Variants in MOSPD1 observed in about 807,000 individuals in gnomAD.
MOSPD1 encodes the protein motile sperm domain containing 1.
MOSPD1 carries 5 observed loss-of-function variants against 16.7 expected under a neutral mutation model. The observed-to-expected ratio is 0.30, with a 90% CI of 0.16 to 0.63. MOSPD1 has a LOEUF of 0.63. Ranked by LOEUF, MOSPD1 falls within the 30% of genes least tolerant of loss-of-function variation. The pLI is 0.82. For missense variants in MOSPD1, 104 were observed against 153.6 expected (o/e 0.68, Z 1.71); for synonymous variants, 67 against 59.2 (o/e 1.13, Z -0.61).
chrX:134,891,893 A>C lies in MOSPD1; in HGVS notation c.449-253T>G, dbSNP rs757832709. 5.4e-5 allele frequency among the ~76,000 whole-genome samples: 6 copies of C among 111,897 alleles called. No homozygotes were observed. The East Asian group carries it at 1.7e-3, about 31-fold the overall frequency. On this transcript the variant is annotated intron_variant, in intron 4 of 5. Transcript: ENST00000370783. ...AGTGAGTTCTTACTGAAAGGTGGTC[A>C]CCAACTCCCCCGACCATCCCACCCT...
At chrX:134,893,084 TA>T (rs1384674521) in intron 4 of MOSPD1, among the ~76,000 whole-genome samples, 2 of 111,661 alleles carry the variant, frequency 1.8e-5, no homozygotes, top group Admixed American at 1.9e-4. Context: ...TGTGTTTCAT[TA>T]ATGAAATAAT....
At chrX:134,909,279 GAAA>G in intron 1 of MOSPD1, among the ~76,000 whole-genome samples, 1 of 91,120 alleles carries the variant, frequency 1.1e-5, no homozygotes, top group South Asian at 4.8e-4. Context: ...AAAGAAAAAA[GAAA>G]GAAAGAGGAG....
chrX:134,914,999 C>A (rs951783507), intron 1 of MOSPD1, among the ~76,000 whole-genome samples, 183 bp downstream of exon 1: 8 of 113,047 alleles, frequency 7.1e-5, no homozygotes, highest in African/African-American at 2.6e-4. Flanking sequence ...AGGAAAGGAT[C>A]CCCTCCGTCT....
At chrX:134,893,673 A>G (rs1308602842) in intron 4 of MOSPD1, among the ~76,000 whole-genome samples, 1 of 111,471 alleles carries the variant, frequency 9.0e-6, no homozygotes, top group Admixed American at 9.6e-5. Context: ...AAATAAGGCC[A>G]TATTATACAT....
intron 1 of MOSPD1, among the ~76,000 whole-genome samples, chrX:134,903,000 CT>C (rs754568829): frequency 1.9e-3 from 186 of 98,556 alleles, no homozygotes; most frequent in African/African-American, 4.2e-3. Context: ...GATGTGTTCT[CT>C]TTTTTTTTTT....
intron 5 of MOSPD1, among the ~76,000 whole-genome samples, chrX:134,889,583 C>CAGA (rs1212341442): frequency 9.0e-6 from 1 of 111,481 alleles, no homozygotes; most frequent in Non-Finnish European, 1.9e-5. Flanking sequence ...CACAAAGAGA[C>CAGA]AGAAGTATGG....
chrX:134,891,105 G>A (rs913393842), intron 5 of MOSPD1, among the ~76,000 whole-genome samples: 5 of 111,032 alleles, frequency 4.5e-5, no homozygotes, highest in South Asian at 3.8e-4. Flanking sequence ...AAAGAGAAAC[G>A]TTCACAATAT....
chrX:134,898,917 T>C (rs958143209), intron 3 of MOSPD1, 173 bp downstream of exon 3: 6 of 420,167 alleles, frequency 1.4e-5, no homozygotes, highest in East Asian at 7.7e-5. Context: ...TATTATTAAG[T>C]ATTTGGCCGA....
intron 4 of MOSPD1, among the ~76,000 whole-genome samples, chrX:134,891,869 G>T (rs978926351): frequency 9.0e-6 from 1 of 111,674 alleles, no homozygotes; most frequent in African/African-American, 3.3e-5. Context: ...TTGTGAGGTA[G>T]TGAGTTCTTA....
intron 1 of MOSPD1, among the ~76,000 whole-genome samples, chrX:134,913,724 T>C (rs1348746950): frequency 8.9e-6 from 1 of 112,136 alleles, no homozygotes; most frequent in Non-Finnish European, 1.9e-5. Context: ...TTAATACATG[T>C]ATGGAGAATC....
At chrX:134,912,116 T>C (rs1261737372) in intron 1 of MOSPD1, among the ~76,000 whole-genome samples, 3 of 111,503 alleles carry the variant, frequency 2.7e-5, no homozygotes, top group Non-Finnish European at 3.8e-5. Flanking sequence ...AATGGTGCCA[T>C]CTTGGCTCAC....
intron 4 of MOSPD1, among the ~76,000 whole-genome samples, chrX:134,892,112 A>G (rs2082865579): frequency 9.0e-6 from 1 of 111,719 alleles, no homozygotes; most frequent in African/African-American, 3.3e-5. Context: ...TGTATATTCA[A>G]TTTGAGCCTG....
chrX:134,902,424 T>TAAAA (rs1556359943), intron 1 of MOSPD1, among the ~76,000 whole-genome samples: 22 of 109,416 alleles, frequency 2.0e-4, no homozygotes, highest in African/African-American at 6.6e-4. Flanking sequence ...AATAAATAAA[T>TAAAA]AAAACAAAAA....
intron 1 of MOSPD1, among the ~76,000 whole-genome samples, chrX:134,908,710 T>A (rs2082955483): frequency 8.9e-6 from 1 of 112,053 alleles, no homozygotes; most frequent in Non-Finnish European, 1.9e-5. Flanking sequence ...CAAACTACTC[T>A]GACACAAAAA....
At chrX:134,910,949 T>G (rs1384865998) in intron 1 of MOSPD1, among the ~76,000 whole-genome samples, 2 of 112,439 alleles carry the variant, frequency 1.8e-5, no homozygotes, top group East Asian at 5.6e-4. Context: ...CCATCTGTTT[T>G]AACAAGTCTT....
Position 134,887,647 on chromosome X carries a change from TG to T in MOSPD1, c.*1513del, listed in dbSNP as rs752103806. 8.8e-6 allele frequency: 1 copy of T among 113,316 alleles called. No individual in the cohort carries two copies. Among genetic ancestry groups the T allele is most frequent in the Admixed American group, 9.3e-5 (1 of 10,716 alleles). The allele number at this position is 113,316 out of a possible 1,213,427, so 9.3% of individuals were successfully genotyped here. ...AATGTGAAGCTCAGGTCTCCATTTC[TG>T]TTTATTTTTTAAAGTAATTTCTGTT... On this transcript the variant is annotated 3_prime_UTR_variant, in exon 6 of 6. Coordinates refer to ENST00000370783, the MANE Select transcript of MOSPD1 (RefSeq NM_019556.3).
At chrX:134,897,528 A>G (rs1369887411) in intron 3 of MOSPD1, among the ~76,000 whole-genome samples, 1 of 100,228 alleles carries the variant, frequency 1.0e-5, no homozygotes, top group Non-Finnish European at 2.0e-5. Flanking sequence ...ATAGCAAGAG[A>G]GCAAGACTCT....
intron 1 of MOSPD1, among the ~76,000 whole-genome samples, chrX:134,904,233 A>G (rs190566888): frequency 8.9e-6 from 1 of 112,228 alleles, no homozygotes; most frequent in Non-Finnish European, 1.9e-5. Context: ...CCCAAACTAA[A>G]GCCATACTAT....
chrX:134,890,697 A>T (rs780960495), intron 5 of MOSPD1, among the ~76,000 whole-genome samples: 2 of 110,525 alleles, frequency 1.8e-5, no homozygotes, highest in South Asian at 7.8e-4. Context: ...AATCCCAGCT[A>T]CTCGGGAGGC....
Sources: allele counts gnomAD v4.1 joint callset (sites outside exome capture counted in the v4.1 genomes callset), GRCh38; gene constraint gnomAD v4.1.1; transcripts MANE v1.5; gene names NCBI Gene and HGNC (gene_info 2026-07-23, HGNC 2026-07-21).